MGAT4C: variants seen among roughly 807,000 people sequenced by gnomAD.
MGAT4C encodes the protein MGAT4 family member C, also known as alpha-1,3-mannosyl-glycoprotein 4-beta-N-acetylglucosaminyltransferase C.
Under a neutral mutation model 40.1 loss-of-function variants are expected in MGAT4C, and 19 were observed. That is an observed-to-expected ratio of 0.47 (90% confidence interval 0.33 to 0.70). The LOEUF is 0.70. Ranked by LOEUF, MGAT4C falls within the 30% of genes least tolerant of loss-of-function variation. The probability of loss-of-function intolerance (pLI) is 0.02; values close to 1 mark genes in which losing one functional copy is unlikely to be tolerated. For synonymous variants in MGAT4C, 181 were observed against 187.1 expected, an observed-to-expected ratio of 0.97 and a Z score of 0.27; for missense variants, 491 against 563.2, an observed-to-expected ratio of 0.87 and a Z score of 1.30.
intron 2 of MGAT4C, among the ~76,000 whole-genome samples, chr12:86,546,328 G>T (rs867502040): frequency 6.6e-6 from 1 of 151,312 alleles, no homozygotes; most frequent in African/African-American, 2.4e-5. Flanking sequence ...TTTATAAAAT[G>T]ATTAAATAAT....
At chr12:86,576,182 A>AT (rs1405153815) in intron 2 of MGAT4C, among the ~76,000 whole-genome samples, 14 of 151,576 alleles carry the variant, frequency 9.2e-5, no homozygotes, top group Admixed American at 3.3e-4. Context: ...GGATTATTAG[A>AT]TTTTTTTCCT....
rs530193229 is a variant in MGAT4C at position 86,276,350 on chromosome 12, A to G, written c.-57+57715T>C. 3.3e-5 allele frequency among the ~76,000 whole-genome samples: 5 copies of G among 152,286 alleles called. No homozygotes were observed. The South Asian group carries it at 6.2e-4, about 19-fold the overall frequency. ...TGAGATATTTTGATGTAGGCATACA[A>G]TGTGTAATAATCACCGCAAGGTAAA... On this transcript the variant is annotated intron_variant, in intron 4 of 7. Coordinates refer to the MGAT4C transcript ENST00000548651.
chr12:86,500,180 C>CAT (rs1026660329), intron 2 of MGAT4C, among the ~76,000 whole-genome samples: 7 of 151,652 alleles, frequency 4.6e-5, no homozygotes, highest in Non-Finnish European at 8.8e-5. Flanking sequence ...TATCTATATT[C>CAT]ATATATATGT....
chr12:86,107,482 A>G (rs1191031507), intron 1 of MGAT4C, among the ~76,000 whole-genome samples: 2 of 152,220 alleles, frequency 1.3e-5, no homozygotes, highest in African/African-American at 2.4e-5. Context: ...AAAATATAAC[A>G]GAATAAAATA....
At chr12:86,572,839 C>T (rs1960420125) in intron 2 of MGAT4C, among the ~76,000 whole-genome samples, 1 of 152,032 alleles carries the variant, frequency 6.6e-6, no homozygotes, top group Non-Finnish European at 1.5e-5. Context: ...CTCTCTCTCT[C>T]TCTGTCTCAC....
chr12:86,694,224 C>T (rs2136602865), intron 2 of MGAT4C, among the ~76,000 whole-genome samples: 1 of 152,276 alleles, frequency 6.6e-6, no homozygotes, highest in South Asian at 2.1e-4. Context: ...ACCACCTCTA[C>T]ATCAATTACC....
At chr12:86,236,560 C>A (rs1206766290) in intron 1 of MGAT4C, among the ~76,000 whole-genome samples, 1 of 151,902 alleles carries the variant, frequency 6.6e-6, no homozygotes, top group Non-Finnish European at 1.5e-5. Flanking sequence ...ATTGCTAATA[C>A]AAAACCAAGT....
chr12:85,964,000 T>C lies in MGAT4C; in HGVS notation c.*15289A>G, dbSNP rs1883237929. On this transcript the variant is annotated 3_prime_UTR_variant, in exon 5 of 5. Coordinates refer to ENST00000611864, the MANE Select transcript of MGAT4C (RefSeq NM_001351288.2). ...GTCAAAAGTACCTATGTTTGCCTAG[T>C]TCTCAGATTACAACTATGATGATAA... is the stretch of plus-strand genomic sequence containing the variant. 1 of 152,016 alleles carries C rather than the reference T, an allele frequency of 6.6e-6. No homozygotes were observed. Among genetic ancestry groups the C allele is most frequent in the South Asian group, 2.1e-4 (1 of 4,826 alleles). The allele number at this position is 152,016 out of a possible 1,614,324, so 9.4% of individuals were successfully genotyped here.
Position 85,975,848 on chromosome 12 carries a change from T to G in MGAT4C, c.*3441A>C, listed in dbSNP as rs1883940906. ...GTGTGAGCTCTATTACTCAGTAATA[T>G]GATGCCATTACTGTGTTGATGGATG... On this transcript the variant is annotated 3_prime_UTR_variant, in exon 5 of 5. Transcript: ENST00000611864. The G allele has an allele frequency of 6.6e-6, 1 of 151,104 alleles. No individual in the cohort carries two copies. The allele number at this position is 151,104 out of a possible 1,614,324, so 9.4% of individuals were successfully genotyped here.
chr12:86,496,194 CA>C (rs1256281019), intron 2 of MGAT4C, among the ~76,000 whole-genome samples: 4 of 151,950 alleles, frequency 2.6e-5, no homozygotes, highest in Non-Finnish European at 4.4e-5. Flanking sequence ...GTGATAAAGA[CA>C]AAAACCCAGG....
rs143871849 is a variant in MGAT4C at position 86,807,783 on chromosome 12, G to C, written c.-262+30883C>G. Reference sequence around the variant, plus strand: ...TTCCTATTTCTCTGCAACCTTCCCAGCATCTGTTGTTTCTTGACTTTTTAA... The same window carrying C: ...TTCCTATTTCTCTGCAACCTTCCCACCATCTGTTGTTTCTTGACTTTTTAA... On this transcript the variant is annotated intron_variant, in intron 1 of 7. Transcript: ENST00000548651. Among the ~76,000 whole-genome samples, 1,071 of 152,148 alleles carry C rather than the reference G, an allele frequency of 7.0e-3. 8 individuals are homozygous for C. The highest frequency in any genetic ancestry group is 0.01 in the Non-Finnish European group (700 of 67,980).
At chr12:86,286,894 C>T (rs994475516) in intron 4 of MGAT4C, among the ~76,000 whole-genome samples, 9 of 152,108 alleles carry the variant, frequency 5.9e-5, no homozygotes, top group African/African-American at 2.2e-4. Flanking sequence ...CAGCTCTATC[C>T]ATGTTTCTGC....
chr12:86,577,347 A>G (rs973449185), intron 2 of MGAT4C, among the ~76,000 whole-genome samples: 3 of 151,870 alleles, frequency 2.0e-5, no homozygotes, highest in African/African-American at 7.2e-5. Flanking sequence ...ACTATGTTGA[A>G]TAACAGTGGT....
intron 2 of MGAT4C, among the ~76,000 whole-genome samples, chr12:86,003,352 A>G (rs1887544103): frequency 6.6e-6 from 1 of 152,160 alleles, no homozygotes; most frequent in Non-Finnish European, 1.5e-5. Flanking sequence ...GAATCAGGTA[A>G]TATGTCTTCT....
intron 1 of MGAT4C, among the ~76,000 whole-genome samples, chr12:86,071,275 C>T (rs530301382): frequency 1.6e-4 from 25 of 152,036 alleles, no homozygotes; most frequent in Non-Finnish European, 3.2e-4. Context: ...AAAGGGTCAT[C>T]CTGCTTGAAG....
At chr12:86,228,001 G>A (rs1412528654) in intron 1 of MGAT4C, among the ~76,000 whole-genome samples, 1 of 151,632 alleles carries the variant, frequency 6.6e-6, no homozygotes, top group African/African-American at 2.4e-5. Flanking sequence ...ATAGCATATT[G>A]TTTCATTATA....
At chr12:86,533,966 A>T (rs528704308) in intron 2 of MGAT4C, among the ~76,000 whole-genome samples, 3 of 152,232 alleles carry the variant, frequency 2.0e-5, no homozygotes, top group African/African-American at 7.2e-5. Flanking sequence ...TCATTCTTGA[A>T]TAGTATCTCA....
chr12:86,450,135 T>C (rs1432346028), intron 2 of MGAT4C, among the ~76,000 whole-genome samples: 1 of 152,152 alleles, frequency 6.6e-6, no homozygotes, highest in Non-Finnish European at 1.5e-5. Context: ...ATTGCCAACT[T>C]TTCTCGGCGG....
intron 2 of MGAT4C, among the ~76,000 whole-genome samples, chr12:86,711,219 A>G (rs1400382444): frequency 6.6e-6 from 1 of 152,150 alleles, no homozygotes; most frequent in Non-Finnish European, 1.5e-5. Flanking sequence ...TAATACTAAT[A>G]ATTTATTGAC....
Sources: allele counts gnomAD v4.1 joint callset (sites outside exome capture counted in the v4.1 genomes callset), GRCh38; gene constraint gnomAD v4.1.1; transcripts MANE v1.5; gene names NCBI Gene and HGNC (gene_info 2026-07-23, HGNC 2026-07-21).